Variants in CHRM3 observed in about 807,000 individuals in gnomAD.
CHRM3 encodes the protein cholinergic receptor muscarinic 3, also known as muscarinic acetylcholine receptor M3.
CHRM3 carries 11 observed loss-of-function variants against 41.8 expected under a neutral mutation model. The ratio of observed to expected loss-of-function variants is 0.26; its 90% CI spans 0.17 to 0.44. The LOEUF (loss-of-function observed/expected upper bound fraction) is 0.44, where lower values mean the gene tolerates loss of function less well. Ranked by LOEUF, CHRM3 falls within the 20% of genes least tolerant of loss-of-function variation. CHRM3 has a pLI of 1.00. For missense variants in CHRM3, 571 were observed against 745.4 expected (o/e 0.77, Z 2.72); for synonymous variants, 297 against 301.4 (o/e 0.99, Z 0.15).
chr1:239,809,458 G>A (rs1670939907), intron 5 of CHRM3, among the ~76,000 whole-genome samples: 1 of 151,828 alleles, frequency 6.6e-6, no homozygotes, highest in African/African-American at 2.4e-5. Flanking sequence ...CCCTTCCTAG[G>A]AATGAGTCCG....
At chr1:239,650,833 G>A (rs1166617974) in intron 4 of CHRM3, among the ~76,000 whole-genome samples, 2 of 152,054 alleles carry the variant, frequency 1.3e-5, no homozygotes, top group African/African-American at 4.8e-5. Flanking sequence ...AGTGCACAAA[G>A]GTTAAAACTA....
At chr1:239,768,820 A>T (rs1394515666) in intron 5 of CHRM3, among the ~76,000 whole-genome samples, 1 of 151,266 alleles carries the variant, frequency 6.6e-6, no homozygotes, top group Non-Finnish European at 1.5e-5. Context: ...GCTGGAGTGC[A>T]ATGGCATGAT....
In CHRM3 at chr1:239,701,727, G is replaced by A. The variant is rs12078009; in HGVS notation, c.-147+23439G>A. On this transcript the variant is annotated intron_variant, in intron 5 of 6. Transcript: ENST00000676153. ...CAGATCCCTCTGTGTAGAGTGCATGGCCTCAGTCATCTCATTCCTTCCTAA... is the reference window on the plus strand; with the variant it reads ...CAGATCCCTCTGTGTAGAGTGCATGACCTCAGTCATCTCATTCCTTCCTAA... Among the ~76,000 whole-genome samples, 523 of 152,144 alleles carry A rather than the reference G, an allele frequency of 3.4e-3. 6 individuals carry two copies. The highest frequency in any genetic ancestry group is 0.012 in the African/African-American group (496 of 41,488).
chr1:239,806,354 CCTGTGGACATCCAGGATGGAGTT>C (rs1670641211), intron 5 of CHRM3, among the ~76,000 whole-genome samples: 1 of 151,860 alleles, frequency 6.6e-6, no homozygotes, highest in Non-Finnish European at 1.5e-5. Context: ...CACACACACA[CCTGTGGACATCCAGGATGGAGTT>C]ACACAACACA....
chr1:239,875,992 C>G (rs951978816), intron 6 of CHRM3, among the ~76,000 whole-genome samples: 4 of 152,162 alleles, frequency 2.6e-5, no homozygotes, highest in African/African-American at 9.7e-5. Context: ...ATAGACTACA[C>G]CTCAATCCTT....
In CHRM3 at chr1:239,748,921, T is replaced by C. The variant is rs1457571702; in HGVS notation, c.-147+70633T>C. Among the ~76,000 whole-genome samples, 1 of 152,192 alleles carries C rather than the reference T, an allele frequency of 6.6e-6. No individual in the cohort carries two copies. Among genetic ancestry groups the C allele is most frequent in the African/African-American group, 2.4e-5 (1 of 41,456 alleles). On this transcript the variant is annotated intron_variant, in intron 5 of 6. Transcript: ENST00000676153. The surrounding 1 kb of genome is among the most constrained non-coding windows in gnomAD (Gnocchi z 4.3). Reference sequence around the variant, plus strand: ...TTTCTGGGGCACACCAGCCCTGTACTGGCAGTTCTTTGCAAATGGGTGCTG... The same window carrying C: ...TTTCTGGGGCACACCAGCCCTGTACCGGCAGTTCTTTGCAAATGGGTGCTG...
chr1:239,660,607 G>A (rs73124687), intron 4 of CHRM3, among the ~76,000 whole-genome samples: 11,154 of 152,238 alleles, frequency 0.073, 695 homozygotes, highest in African/African-American at 0.16. Flanking sequence ...ACATGGCCAG[G>A]CACAGTGGCT....
intron 2 of CHRM3, among the ~76,000 whole-genome samples, chr1:239,538,338 C>G (rs909438821): frequency 6.6e-6 from 1 of 152,080 alleles, no homozygotes; most frequent in Non-Finnish European, 1.5e-5. Flanking sequence ...TTCAGTTTCT[C>G]TCTGTTGGCC....
chr1:239,691,270 A>G (rs1659690239), intron 5 of CHRM3, among the ~76,000 whole-genome samples: 1 of 152,150 alleles, frequency 6.6e-6, no homozygotes, highest in Admixed American at 6.5e-5. Context: ...ACATATAAAA[A>G]GAGATACTGG....
At chr1:239,793,803 AT>A (rs67460907) in intron 5 of CHRM3, among the ~76,000 whole-genome samples, 17,578 of 68,340 alleles carry the variant, frequency 0.26, 1,346 homozygotes, top group Middle Eastern at 0.42. Flanking sequence ...TGAAATGTGT[AT>A]TTTTTTTTTT....
At chr1:239,573,109 C>T (rs12057628) in intron 3 of CHRM3, among the ~76,000 whole-genome samples, 16,598 of 152,094 alleles carry the variant, frequency 0.11, 941 homozygotes, top group African/African-American at 0.14. Context: ...TCTTCCATGC[C>T]GCACTCCTTC....
intron 5 of CHRM3, among the ~76,000 whole-genome samples, chr1:239,741,870 G>T (rs1294474839): frequency 6.6e-6 from 1 of 152,152 alleles, no homozygotes; most frequent in African/African-American, 2.4e-5. Context: ...AAATGAATCT[G>T]ATTTTATTTT....
At chr1:239,500,758 G>T (rs140625268) in intron 2 of CHRM3, among the ~76,000 whole-genome samples, 1 of 151,500 alleles carries the variant, frequency 6.6e-6, no homozygotes, top group African/African-American at 2.4e-5. Context: ...AAAGCATGAC[G>T]AATGCAACAG....
intron 3 of CHRM3, among the ~76,000 whole-genome samples, chr1:239,548,693 C>A (rs1310550643): frequency 2.0e-5 from 3 of 152,194 alleles, no homozygotes; most frequent in Non-Finnish European, 4.4e-5. Flanking sequence ...TGCTGTGTTG[C>A]TGTCCCTTTG....
chr1:239,554,760 C>T (rs1175126556), intron 3 of CHRM3, among the ~76,000 whole-genome samples: 12 of 132,724 alleles, frequency 9.0e-5, no homozygotes, highest in African/African-American at 3.3e-4. Flanking sequence ...GATGGAGTCT[C>T]ACTCTGTTGC....
chr1:239,873,248 G>A (rs921093352), intron 6 of CHRM3, among the ~76,000 whole-genome samples: 3 of 152,108 alleles, frequency 2.0e-5, no homozygotes, highest in African/African-American at 7.2e-5. Context: ...TTGTCCTCCT[G>A]AGCCTCAGTT....
In CHRM3 at chr1:239,908,869, G is replaced by A. The variant is rs1680188222; in HGVS notation, c.1418G>A (p.Ser473Asn). The change falls in exon 7 of 7, where the codon AGT (serine) becomes AAT (asparagine). Residue 473 changes from serine (S) to asparagine (N), a missense_variant. This residue lies in a region of CHRM3 where 239 missense variants were observed against 239.6 expected (regional missense o/e 1.00). Transcript: ENST00000676153. The surrounding 1 kb of genome is among the most constrained non-coding windows in gnomAD (Gnocchi z 7.2). ...LAKRFALKTR[S>N]QITKRKRMSL... ...AAGAGGTTTGCTCTGAAGACCAGAA[G>A]TCAGATCACTAAGCGGAAAAGGATG... 6.2e-7 allele frequency: 1 copy of A among 1,614,032 alleles called. No individual in the cohort carries two copies. Among genetic ancestry groups the A allele is most frequent in the East Asian group, 2.2e-5 (1 of 44,860 alleles).
intron 5 of CHRM3, among the ~76,000 whole-genome samples, chr1:239,819,324 A>C (rs936004171): frequency 2.0e-5 from 3 of 152,108 alleles, no homozygotes; most frequent in Non-Finnish European, 2.9e-5. Context: ...TCATTCATGC[A>C]CTTGAAGGGC....
At chr1:239,809,484 T>G (rs1178391079) in intron 5 of CHRM3, among the ~76,000 whole-genome samples, 1 of 151,912 alleles carries the variant, frequency 6.6e-6, no homozygotes, top group Non-Finnish European at 1.5e-5. Context: ...CACTTACTGT[T>G]TTTTTATTGT....
Sources: gnomAD v4.1 joint callset for allele counts (sites outside exome capture counted in the v4.1 genomes callset) on GRCh38, gnomAD v4.1.1 for gene constraint, gnomAD v4.1.1 regional missense constraint, Gnocchi (gnomAD v3.1) non-coding constraint, MANE v1.5 for transcripts, NCBI Gene and HGNC (gene_info 2026-07-23, HGNC 2026-07-21) for gene names.